Variants in ANXA4 observed in about 807,000 individuals in gnomAD.
The protein encoded by ANXA4 is annexin A4, also known as 35-beta calcimedin.
ANXA4 carries 39 observed loss-of-function variants against 49.8 expected under a neutral mutation model. The ratio of observed to expected loss-of-function variants is 0.78; its 90% CI spans 0.61 to 1.02. The LOEUF (loss-of-function observed/expected upper bound fraction) is 1.02, where lower values mean the gene tolerates loss of function less well. ANXA4 is among the 50% of genes least tolerant of loss of function. ANXA4 has a pLI of 0.00. For synonymous variants in ANXA4, 134 were observed against 152.5 expected, an observed-to-expected ratio of 0.88 and a Z score of 0.89; for missense variants, 360 against 410.1, an observed-to-expected ratio of 0.88 and a Z score of 1.05.
chr2:69,798,497 G>T (rs1002695980), intron 3 of ANXA4, among the ~76,000 whole-genome samples: 1 of 149,958 alleles, frequency 6.7e-6, no homozygotes, highest in African/African-American at 2.5e-5. Flanking sequence ...ATAACACCAG[G>T]GTGTGGCCCT....
intron 1 of ANXA4, among the ~76,000 whole-genome samples, chr2:69,763,712 G>A (rs998158710): frequency 6.7e-6 from 1 of 149,886 alleles, no homozygotes; most frequent in Admixed American, 6.7e-5. Context: ...GCCCAGGCTG[G>A]AGTGCAGTGG....
chr2:69,753,693 C>G (rs1283156289), intron 1 of ANXA4, among the ~76,000 whole-genome samples: 3 of 152,224 alleles, frequency 2.0e-5, no homozygotes, highest in African/African-American at 7.2e-5. Flanking sequence ...ATGGCCACTC[C>G]TAACCCATTC....
At chr2:69,741,503 C>T (rs1670394957), upstream of ANXA4, among the ~76,000 whole-genome samples, 1 of 152,256 alleles carries the variant, frequency 6.6e-6, no homozygotes, top group Non-Finnish European at 1.5e-5. Flanking sequence ...CCAAAGCTTT[C>T]CTGGCCTGCT....
intron 1 of ANXA4, among the ~76,000 whole-genome samples, chr2:69,754,930 A>G (rs1048646870): frequency 2.6e-5 from 4 of 152,142 alleles, no homozygotes; most frequent in African/African-American, 9.7e-5. Flanking sequence ...AGTGAGGTCT[A>G]TGTATCTTCC....
chr2:69,774,082 C>T (rs896852769), intron 1 of ANXA4, among the ~76,000 whole-genome samples: 1 of 152,118 alleles, frequency 6.6e-6, no homozygotes, highest in Non-Finnish European at 1.5e-5. Flanking sequence ...CCCTGCCTCC[C>T]ACAATGCTGG....
At chr2:69,696,350 T>C (rs1372685623) in intron 2 of ANXA4, among the ~76,000 whole-genome samples, 2 of 152,182 alleles carry the variant, frequency 1.3e-5, no homozygotes, top group Non-Finnish European at 2.9e-5. Flanking sequence ...AGTTTAATCA[T>C]GAGATTGCAG....
At chr2:69,727,589 G>A (rs1178283089) in intron 3 of ANXA4, among the ~76,000 whole-genome samples, 1 of 151,938 alleles carries the variant, frequency 6.6e-6, no homozygotes, top group Non-Finnish European at 1.5e-5. Flanking sequence ...CCAATTTACT[G>A]CAAAATATTT....
At position 69,706,725 on chromosome 2, in the gene ANXA4, A is replaced by G. The variant is rs1298166768; in HGVS notation, n.767-14049A>G. ...TACATCTGCCTATTCTGGACATTTC[A>G]TAGAAATGGAATCATACTATACGTG... On this transcript the variant is annotated intron_variant and non_coding_transcript_variant, in intron 2 of 3. Transcript: ENST00000418066. 2.0e-5 allele frequency among the ~76,000 whole-genome samples: 3 copies of G among 152,182 alleles called. No homozygotes were observed. The East Asian group carries it at 5.8e-4, about 29-fold the overall frequency.
At chr2:69,711,240 G>C (rs1263497081) in intron 2 of ANXA4, among the ~76,000 whole-genome samples, 1 of 152,192 alleles carries the variant, frequency 6.6e-6, no homozygotes, top group East Asian at 1.9e-4. Flanking sequence ...TGAGGCGGGA[G>C]AACCGCTTGA....
At chr2:69,728,806 C>A (rs911755787) in intron 3 of ANXA4, among the ~76,000 whole-genome samples, 4 of 139,654 alleles carry the variant, frequency 2.9e-5, no homozygotes, top group Non-Finnish European at 6.1e-5. Context: ...TGGCATTGAT[C>A]TTTTTCTTCA....
chr2:69,733,650 A>T (rs921431708), intron 3 of ANXA4, among the ~76,000 whole-genome samples: 3 of 151,926 alleles, frequency 2.0e-5, no homozygotes, highest in Non-Finnish European at 2.9e-5. Flanking sequence ...AAAGAAAATA[A>T]GGTGTTTTCT....
chr2:69,784,707 G>A lies in ANXA4; in HGVS notation c.9+3133G>A, dbSNP rs148333843. 3.7e-3 allele frequency among the ~76,000 whole-genome samples: 558 copies of A among 152,340 alleles called. 4 individuals are homozygous for A. The highest frequency in any genetic ancestry group is 0.013 in the African/African-American group (533 of 41,578). Reference sequence around the variant, plus strand: ...CAGTTCTGGAGGCCAGAAATCCAAAGCAAGGTGTCAGCAGAGCCATGCTCC... The same window carrying A: ...CAGTTCTGGAGGCCAGAAATCCAAAACAAGGTGTCAGCAGAGCCATGCTCC... On this transcript the variant is annotated intron_variant, in intron 2 of 12. Transcript: ENST00000394295.
intron 2 of ANXA4, among the ~76,000 whole-genome samples, chr2:69,676,702 G>T (rs1423123187): frequency 6.6e-6 from 1 of 152,114 alleles, no homozygotes; most frequent in Non-Finnish European, 1.5e-5. Context: ...AGACCATCCT[G>T]GCCAACATGG....
intron 2 of ANXA4, among the ~76,000 whole-genome samples, chr2:69,688,967 T>C (rs12468494): frequency 0.14 from 20,761 of 152,228 alleles, 2,056 homozygotes; most frequent in East Asian, 0.37. Flanking sequence ...GCCTACTAGG[T>C]TGATCATAGT....
intron 1 of ANXA4, among the ~76,000 whole-genome samples, chr2:69,759,198 G>A (rs576963137): frequency 1.3e-5 from 2 of 151,498 alleles, no homozygotes; most frequent in South Asian, 4.2e-4. Flanking sequence ...TAGGGACATT[G>A]AGTAAATTAT....
intron 2 of ANXA4, among the ~76,000 whole-genome samples, chr2:69,718,428 T>C (rs1669711111): frequency 1.3e-5 from 2 of 152,194 alleles, no homozygotes; most frequent in South Asian, 4.1e-4. Flanking sequence ...AGGAACTAAA[T>C]TATATTCAAC....
At chr2:69,745,359 G>T (rs978328323) in intron 1 of ANXA4, among the ~76,000 whole-genome samples, 12 of 152,008 alleles carry the variant, frequency 7.9e-5, no homozygotes, top group African/African-American at 2.9e-4. Flanking sequence ...TGATGGAGCT[G>T]GGAAGGGTTA....
intron 1 of ANXA4, among the ~76,000 whole-genome samples, chr2:69,751,011 C>T (rs73935690): frequency 0.045 from 6,879 of 152,262 alleles, 488 homozygotes; most frequent in African/African-American, 0.15. Context: ...TTCTATGATC[C>T]TGACCCTGTG....
chr2:69,674,915 GTTTT>G (rs71397341), intron 2 of ANXA4, among the ~76,000 whole-genome samples: 1 of 115,456 alleles, frequency 8.7e-6, no homozygotes, highest in Non-Finnish European at 1.8e-5. Context: ...AACATAAACT[GTTTT>G]TTTTTTTTTT....
Sources: allele counts gnomAD v4.1 joint callset (sites outside exome capture counted in the v4.1 genomes callset), GRCh38; gene constraint gnomAD v4.1.1; transcripts MANE v1.5; gene names NCBI Gene and HGNC (gene_info 2026-07-23, HGNC 2026-07-21).